ACAP2: variants seen among roughly 807,000 people sequenced by gnomAD.
ACAP2 encodes the protein ArfGAP with coiled-coil, ankyrin repeat and PH domains 2, also known as arf-GAP with coiled-coil, ANK repeat and PH domain-containing protein 2.
ACAP2 carries 39 observed loss-of-function variants against 115.8 expected under a neutral mutation model. The ratio of observed to expected loss-of-function variants is 0.34; its 90% CI spans 0.26 to 0.44. The LOEUF is 0.44. ACAP2 is among the 20% of genes least tolerant of loss of function. The pLI, the probability that ACAP2 is intolerant of heterozygous loss-of-function variation, is 1.00. For missense variants in ACAP2, 662 were observed against 927.6 expected (o/e 0.71, Z 3.72); for synonymous variants, 289 against 315.8 (o/e 0.92, Z 0.90).
chr3:195,429,432 T>G (rs1243055972), intron 1 of ACAP2, among the ~76,000 whole-genome samples: 1 of 149,920 alleles, frequency 6.7e-6, no homozygotes, highest in Non-Finnish European at 1.5e-5. Context: ...TGGATCAATC[T>G]CATAGTTAAA....
At chr3:195,430,396 T>C (rs943642534) in intron 1 of ACAP2, among the ~76,000 whole-genome samples, 7 of 152,148 alleles carry the variant, frequency 4.6e-5, no homozygotes, top group African/African-American at 1.7e-4. Context: ...TGGAATTCTA[T>C]ACTCTCTGAG....
intron 1 of ACAP2, among the ~76,000 whole-genome samples, chr3:195,436,762 G>A (rs1444069162): frequency 3.9e-5 from 6 of 152,060 alleles, no homozygotes; most frequent in Non-Finnish European, 7.4e-5. Context: ...TTGTCCTCCC[G>A]CACATCACAA....
At chr3:195,367,052 CAA>C (rs35590029) in intron 4 of ACAP2, among the ~76,000 whole-genome samples, 49 of 76,198 alleles carry the variant, frequency 6.4e-4, no homozygotes, top group Non-Finnish European at 1.0e-3. Flanking sequence ...CCAACCCCGC[CAA>C]AAAAAAAAAA....
chr3:195,385,286 C>T (rs1447485588), intron 2 of ACAP2, among the ~76,000 whole-genome samples: 1 of 149,636 alleles, frequency 6.7e-6, no homozygotes, highest in Non-Finnish European at 1.5e-5. Context: ...AACTTACTGG[C>T]ACATGGTAAT....
intron 22 of ACAP2, among the ~76,000 whole-genome samples, chr3:195,283,636 G>C (rs1445991620): frequency 1.3e-5 from 2 of 152,116 alleles, no homozygotes; most frequent in Admixed American, 6.6e-5. Context: ...GTCTCATAAA[G>C]AAAAAGAACA....
chr3:195,296,034 T>C (rs564272422), intron 16 of ACAP2, 142 bp from the exon 17 acceptor site: 331 of 623,024 alleles, frequency 5.3e-4, no homozygotes, highest in Middle Eastern at 1.3e-3. Context: ...ACATTATACA[T>C]ATATATATTA....
intron 7 of ACAP2, among the ~76,000 whole-genome samples, chr3:195,335,232 T>C (rs1326309519): frequency 6.6e-6 from 1 of 152,178 alleles, no homozygotes; most frequent in Non-Finnish European, 1.5e-5. Context: ...ACAGAGACCA[T>C]GAGGCCTGTA....
intron 4 of ACAP2, among the ~76,000 whole-genome samples, chr3:195,373,467 A>G (rs1354309536): frequency 1.3e-5 from 2 of 152,198 alleles, no homozygotes; most frequent in Admixed American, 1.3e-4. Flanking sequence ...CAGAGAACAA[A>G]TTTTGCTAAA....
At chr3:195,388,740 A>G (rs1398229603) in intron 2 of ACAP2, among the ~76,000 whole-genome samples, 2 of 152,178 alleles carry the variant, frequency 1.3e-5, no homozygotes, top group Non-Finnish European at 2.9e-5. Context: ...TAACAATTTG[A>G]GCTGGGCATG....
intron 4 of ACAP2, among the ~76,000 whole-genome samples, chr3:195,376,955 T>C (rs966863675): frequency 5.3e-5 from 8 of 152,126 alleles, no homozygotes; most frequent in Non-Finnish European, 1.2e-4. Context: ...GCTATGTAAT[T>C]AGAATTCCAG....
At chr3:195,379,838 T>C (rs1430586264) in intron 4 of ACAP2, among the ~76,000 whole-genome samples, 1 of 151,934 alleles carries the variant, frequency 6.6e-6, no homozygotes, top group Non-Finnish European at 1.5e-5. Flanking sequence ...ACAACAATGG[T>C]AACAATGACA....
intron 5 of ACAP2, among the ~76,000 whole-genome samples, chr3:195,344,734 G>T (rs1731090190): frequency 6.6e-6 from 1 of 152,072 alleles, no homozygotes; most frequent in Admixed American, 6.5e-5. Flanking sequence ...TGGCCAGGCT[G>T]GTCTCGCCGC....
At chr3:195,301,837 A>G in intron 14 of ACAP2, 129 bp downstream of exon 14, 2 of 1,255,798 alleles carry the variant, frequency 1.6e-6, no homozygotes, top group South Asian at 2.9e-5. Flanking sequence ...ACTACTTCTT[A>G]AAAGGTACAA....
chr3:195,420,538 T>C (rs1443427370), intron 1 of ACAP2, among the ~76,000 whole-genome samples: 1 of 151,578 alleles, frequency 6.6e-6, no homozygotes, highest in East Asian at 1.9e-4. Context: ...TTAGTAGAGA[T>C]GGGGTTTCAC....
Position 195,320,831 on chromosome 3 carries a change from TAAA to T in ACAP2, c.745-21_745-19del. The T allele has an allele frequency of 3.8e-6, 6 of 1,562,982 alleles. No homozygotes were observed. The highest frequency in any genetic ancestry group is 5.3e-6 in the Non-Finnish European group (6 of 1,136,350). On this transcript the variant is annotated intron_variant, in intron 9 of 22. Coordinates refer to ENST00000326793, the MANE Select transcript of ACAP2 (RefSeq NM_012287.6). ...GAGAAATCCTACACAAAATAACACA[TAAA>T]GAAGTTCATATGACTTGACTAAGTT...
chr3:195,322,201 A>T (rs1209455648), intron 9 of ACAP2, among the ~76,000 whole-genome samples: 1 of 152,088 alleles, frequency 6.6e-6, no homozygotes, highest in East Asian at 1.9e-4. Flanking sequence ...TTTGAACACA[A>T]CTCTAAGACT....
At chr3:195,421,624 T>C (rs770884656) in intron 1 of ACAP2, among the ~76,000 whole-genome samples, 4 of 152,344 alleles carry the variant, frequency 2.6e-5, no homozygotes, top group South Asian at 2.1e-4. Flanking sequence ...CAATAGCTGA[T>C]TGATGAGCAA....
In ACAP2 at chr3:195,309,095, C is replaced by CA; in HGVS notation, c.858-259dup. 2.0e-5 allele frequency among the ~76,000 whole-genome samples: 3 copies of CA among 152,316 alleles called. No homozygotes were observed. In the South Asian group the frequency reaches 6.2e-4, roughly 32 times the overall value. On this transcript the variant is annotated intron_variant, in intron 10 of 22. Coordinates refer to ENST00000326793, the MANE Select transcript of ACAP2 (RefSeq NM_012287.6). Reference sequence around the variant, plus strand: ...TTCATGTCATAAATTTACATCCTAACAAAAGCAGTTATCCTGTATGCTATC... The same window carrying CA: ...TTCATGTCATAAATTTACATCCTAACAAAAAGCAGTTATCCTGTATGCTATC...
intron 4 of ACAP2, among the ~76,000 whole-genome samples, chr3:195,362,772 A>T (rs929157625): frequency 6.6e-6 from 1 of 152,186 alleles, no homozygotes; most frequent in African/African-American, 2.4e-5. Flanking sequence ...ACATAATAAA[A>T]ACTCTCAAAA....
Sources: gnomAD v4.1 joint callset for allele counts (sites outside exome capture counted in the v4.1 genomes callset) on GRCh38, gnomAD v4.1.1 for gene constraint, MANE v1.5 for transcripts, NCBI Gene and HGNC (gene_info 2026-07-23, HGNC 2026-07-21) for gene names.